The following ROBO2 variants were observed in gnomAD, a reference collection of about 807,000 sequenced individuals.
ROBO2 encodes roundabout homolog 2.
Under a neutral mutation model 160.8 loss-of-function variants are expected in ROBO2, and 53 were observed. The observed-to-expected ratio is 0.33, with a 90% confidence interval of 0.26 to 0.41. The LOEUF is 0.41. Ranked by LOEUF, ROBO2 falls within the 10% of genes least tolerant of loss-of-function variation. ROBO2 has a pLI of 1.00. For missense variants in ROBO2, 1,577 were observed against 1,722.4 expected (o/e 0.92, Z 1.49); for synonymous variants, 664 against 611.7 (o/e 1.09, Z -1.26).
At chr3:77,013,990 G>T (rs2149476286) in intron 2 of ROBO2, among the ~76,000 whole-genome samples, 1 of 152,032 alleles carries the variant, frequency 6.6e-6, no homozygotes, top group Admixed American at 6.5e-5. Flanking sequence ...ATAGTCAACA[G>T]ACTCTAAACT....
At chr3:76,480,063 A>G (rs1179071881) in intron 2 of ROBO2, among the ~76,000 whole-genome samples, 1 of 152,118 alleles carries the variant, frequency 6.6e-6, no homozygotes, top group Non-Finnish European at 1.5e-5. Flanking sequence ...AGGAGCTGAA[A>G]AAGAGGAAAA....
intron 2 of ROBO2, among the ~76,000 whole-genome samples, chr3:75,950,267 T>C (rs1948484471): frequency 6.6e-6 from 1 of 152,070 alleles, no homozygotes; most frequent in Non-Finnish European, 1.5e-5. Flanking sequence ...AGCTGCTGAG[T>C]TCCTTTCTTT....
intron 2 of ROBO2, among the ~76,000 whole-genome samples, chr3:76,207,654 A>G (rs1431285663): frequency 6.6e-6 from 1 of 152,216 alleles, no homozygotes; most frequent in Non-Finnish European, 1.5e-5. Flanking sequence ...CCTACCCTCA[A>G]GGAACTTGGT....
intron 2 of ROBO2, among the ~76,000 whole-genome samples, chr3:76,923,006 A>C (rs2076764093): frequency 6.6e-6 from 1 of 152,200 alleles, no homozygotes; most frequent in African/African-American, 2.4e-5. Flanking sequence ...AGTGAAATAA[A>C]GTTTTGTTTC....
At chr3:77,166,586 TCTCA>T (rs1348674106) in intron 2 of ROBO2, among the ~76,000 whole-genome samples, 2 of 152,066 alleles carry the variant, frequency 1.3e-5, no homozygotes, top group African/African-American at 4.8e-5. Flanking sequence ...TTAGGCGGAG[TCTCA>T]CTCTGTCGCC....
At chr3:76,559,529 A>C (rs2084024452) in intron 2 of ROBO2, among the ~76,000 whole-genome samples, 1 of 152,100 alleles carries the variant, frequency 6.6e-6, no homozygotes, top group African/African-American at 2.4e-5. Context: ...AAACTTTTTG[A>C]AGACGAGTCA....
At chr3:77,182,195 A>AT (rs1418095416) in intron 2 of ROBO2, among the ~76,000 whole-genome samples, 1 of 152,104 alleles carries the variant, frequency 6.6e-6, no homozygotes, top group Non-Finnish European at 1.5e-5. Context: ...AAAATTTCCA[A>AT]CAGTTGGGAC....
At chr3:75,963,181 T>TTTTATTTA (rs761153603) in intron 2 of ROBO2, among the ~76,000 whole-genome samples, 1 of 151,674 alleles carries the variant, frequency 6.6e-6, no homozygotes, top group Non-Finnish European at 1.5e-5. Flanking sequence ...TTTTATCTAT[T>TTTTATTTA]TTTATTTATT....
intron 2 of ROBO2, among the ~76,000 whole-genome samples, chr3:76,061,776 A>C (rs1250233864): frequency 6.6e-6 from 1 of 152,108 alleles, no homozygotes; most frequent in Non-Finnish European, 1.5e-5. Flanking sequence ...CTAGAAATTC[A>C]ACAAGGGTCT....
At chr3:76,791,497 TTCTC>T (rs1234316031) in intron 2 of ROBO2, among the ~76,000 whole-genome samples, 1 of 151,320 alleles carries the variant, frequency 6.6e-6, no homozygotes, top group Admixed American at 6.6e-5. Flanking sequence ...TTTTTCTCTT[TTCTC>T]TCTCTCTGTT....
At chr3:76,627,888 T>C (rs1304435623) in intron 2 of ROBO2, among the ~76,000 whole-genome samples, 1 of 152,174 alleles carries the variant, frequency 6.6e-6, no homozygotes, top group Non-Finnish European at 1.5e-5. Flanking sequence ...TTTAATATTT[T>C]CCTATGTATG....
At chr3:76,944,311 T>C (rs933537679) in intron 2 of ROBO2, among the ~76,000 whole-genome samples, 15 of 152,282 alleles carry the variant, frequency 9.9e-5, no homozygotes, top group African/African-American at 3.4e-4. Flanking sequence ...AAATAACACA[T>C]TGTATTTATT....
chr3:75,936,544 T>C (rs1947788640), intron 1 of ROBO2, among the ~76,000 whole-genome samples: 1 of 152,168 alleles, frequency 6.6e-6, no homozygotes, highest in Admixed American at 6.5e-5. Context: ...TATTATACTG[T>C]ATTATATATT....
intron 2 of ROBO2, among the ~76,000 whole-genome samples, chr3:76,341,345 T>G (rs996401859): frequency 1.4e-5 from 2 of 146,274 alleles, no homozygotes; most frequent in African/African-American, 5.1e-5. Context: ...TGTCCCCTAC[T>G]ACGGGTCCAA....
intron 14 of ROBO2, among the ~76,000 whole-genome samples, chr3:77,576,348 AT>A (rs963745545): frequency 6.6e-6 from 1 of 152,120 alleles, no homozygotes; most frequent in Non-Finnish European, 1.5e-5. Context: ...GGCTTTTAAA[AT>A]ATATTTTAGG....
In ROBO2 at chr3:77,219,474, A is replaced by G. The variant is rs1366061564; in HGVS notation, c.388+121134A>G. Among the ~76,000 whole-genome samples, 991 of 133,736 alleles carry G rather than the reference A, an allele frequency of 7.4e-3. 14 individuals are homozygous for G. Among genetic ancestry groups the G allele is most frequent in the African/African-American group, 0.024 (903 of 37,044 alleles). 87.7% of individuals were successfully genotyped at this position (133,736 alleles called of 152,430 possible). ...TATATATATATGTATCTGTGTATAT[A>G]TATATATATAATCTGTATATATATA... On this transcript the variant is annotated intron_variant, in intron 2 of 25. Coordinates refer to ENST00000461745, the Ensembl canonical transcript of ROBO2.
intron 2 of ROBO2, among the ~76,000 whole-genome samples, chr3:77,105,543 C>T (rs776167502): frequency 1.3e-5 from 2 of 152,100 alleles, no homozygotes; most frequent in Non-Finnish European, 2.9e-5. Context: ...TGCCATACTC[C>T]ATCAAATACT....
intron 2 of ROBO2, among the ~76,000 whole-genome samples, chr3:76,688,594 A>T (rs2092732561): frequency 1.6e-5 from 2 of 125,708 alleles, no homozygotes; most frequent in South Asian, 5.3e-4. Flanking sequence ...AGGGAGAGAA[A>T]TTTTAGTGGT....
At chr3:77,002,504 G>A (rs1044330428) in intron 2 of ROBO2, among the ~76,000 whole-genome samples, 17 of 151,726 alleles carry the variant, frequency 1.1e-4, no homozygotes, top group Admixed American at 9.2e-4. Context: ...TAGCTTAAAA[G>A]TATTCAAAAA....
Sources: gnomAD v4.1 joint callset for allele counts (sites outside exome capture counted in the v4.1 genomes callset) on GRCh38, gnomAD v4.1.1 for gene constraint, MANE v1.5 for transcripts, NCBI Gene and HGNC (gene_info 2026-07-23, HGNC 2026-07-21) for gene names.